BICD1: variants seen among roughly 807,000 people sequenced by gnomAD.
BICD1 encodes BICD cargo adaptor 1.
A neutral mutation model predicts 92.5 loss-of-function variants in BICD1; 35 were observed. That is an observed-to-expected ratio of 0.38 (90% CI 0.29 to 0.50). The LOEUF (loss-of-function observed/expected upper bound fraction) is 0.50, where lower values mean the gene tolerates loss of function less well. Among genes scored for constraint, BICD1 ranks in the 20% least tolerant of loss-of-function variants. The pLI is 0.93. For synonymous variants in BICD1, 429 were observed against 465.1 expected, an observed-to-expected ratio of 0.92 and a Z score of 1.00; for missense variants, 950 against 1,189.8, an observed-to-expected ratio of 0.80 and a Z score of 2.97.
At chr12:32,116,684 ATTTT>A (rs60228795) in intron 1 of BICD1, among the ~76,000 whole-genome samples, 1 of 147,016 alleles carries the variant, frequency 6.8e-6, no homozygotes, top group African/African-American at 2.5e-5. Flanking sequence ...TATGCTGGCT[ATTTT>A]TTTTTTTTTT....
At chr12:32,278,318 A>G (rs914526428) in intron 2 of BICD1, among the ~76,000 whole-genome samples, 1 of 152,236 alleles carries the variant, frequency 6.6e-6, no homozygotes, top group Non-Finnish European at 1.5e-5. Context: ...TTGTCATGCC[A>G]TCATTCATTA....
At chr12:32,215,810 C>T (rs893789742) in intron 1 of BICD1, among the ~76,000 whole-genome samples, 1 of 150,414 alleles carries the variant, frequency 6.6e-6, no homozygotes, top group Non-Finnish European at 1.5e-5. Flanking sequence ...AAAAATTAGC[C>T]GGGCGTGTTG....
intron 2 of BICD1, among the ~76,000 whole-genome samples, chr12:32,272,360 T>G (rs1297745642): frequency 2.0e-5 from 3 of 152,222 alleles, no homozygotes; most frequent in Non-Finnish European, 4.4e-5. Flanking sequence ...CCTTCCAAGC[T>G]GTATGTCTAC....
Position 32,328,839 on chromosome 12 carries a change from C to T in BICD1, c.2100+284C>T, listed in dbSNP as rs971118542. 2.0e-5 allele frequency among the ~76,000 whole-genome samples: 3 copies of T among 152,150 alleles called. No homozygotes were observed. The highest frequency in any genetic ancestry group is 1.9e-4 in the East Asian group (1 of 5,174). ...TGCAGATGTAGAAAGGCAGCTCAGG[C>T]GGTGCTGGGCTGAAGCCTGGCAGTG... is the stretch of plus-strand genomic sequence containing the variant. On this transcript the variant is annotated intron_variant, in intron 5 of 9. Coordinates refer to ENST00000652176, the MANE Select transcript of BICD1 (RefSeq NM_001714.4). The surrounding 1 kb of genome is among the most constrained non-coding windows in gnomAD (Gnocchi z 4.4).
At chr12:32,259,381 T>A (rs181032593) in intron 2 of BICD1, among the ~76,000 whole-genome samples, 9 of 152,336 alleles carry the variant, frequency 5.9e-5, no homozygotes, top group Admixed American at 2.6e-4. Flanking sequence ...AAAAATTACT[T>A]AATAAGATTG....
At chr12:32,225,957 G>A (rs1945676538) in intron 2 of BICD1, among the ~76,000 whole-genome samples, 1 of 152,018 alleles carries the variant, frequency 6.6e-6, no homozygotes, top group Non-Finnish European at 1.5e-5. Flanking sequence ...AACTCTAATA[G>A]GTGTGTAGTG....
chr12:32,138,650 TGTGTTAG>T (rs1942808489), intron 1 of BICD1, among the ~76,000 whole-genome samples: 2 of 152,200 alleles, frequency 1.3e-5, no homozygotes, highest in African/African-American at 4.8e-5. Flanking sequence ...AAATAGGCTT[TGTGTTAG>T]GTGATTTTTG....
chr12:32,295,466 G>A (rs1293061397), intron 3 of BICD1, among the ~76,000 whole-genome samples: 4 of 152,048 alleles, frequency 2.6e-5, no homozygotes, highest in Non-Finnish European at 5.9e-5. Flanking sequence ...AATCCATAGG[G>A]CATGATTCTT....
At chr12:32,123,514 G>A (rs755283138) in intron 1 of BICD1, among the ~76,000 whole-genome samples, 1 of 152,188 alleles carries the variant, frequency 6.6e-6, no homozygotes, top group Non-Finnish European at 1.5e-5. Context: ...ACCATAGCAG[G>A]TGTTTAATAG....
chr12:32,115,493 C>T (rs938809689), intron 1 of BICD1, among the ~76,000 whole-genome samples: 4 of 150,040 alleles, frequency 2.7e-5, no homozygotes, highest in Non-Finnish European at 5.9e-5. Context: ...CAGGTATTTA[C>T]GAGACAAAGC....
At chr12:32,200,926 T>C (rs1480710980) in intron 1 of BICD1, among the ~76,000 whole-genome samples, 1 of 152,214 alleles carries the variant, frequency 6.6e-6, no homozygotes, top group Non-Finnish European at 1.5e-5. Flanking sequence ...CCAAGAAACA[T>C]TTTTCTTTGC....
At position 32,275,046 on chromosome 12, in the gene BICD1, TC is replaced by T. The variant is rs376598803; in HGVS notation, c.427-18947del. Among the ~76,000 whole-genome samples the T allele has an allele frequency of 5.1e-3, 769 of 152,200 alleles. 4 individuals are homozygous for T. Among genetic ancestry groups the T allele is most frequent in the African/African-American group, 0.017 (718 of 41,514 alleles). On this transcript the variant is annotated intron_variant, in intron 2 of 9. Transcript: ENST00000652176. ...ATAAATTCATGCTTGTAATTGAAGATCGCCATATGAGATACACATTCTAGTG... is the reference window on the plus strand; with the variant it reads ...ATAAATTCATGCTTGTAATTGAAGATGCCATATGAGATACACATTCTAGTG...
intron 1 of BICD1, among the ~76,000 whole-genome samples, chr12:32,199,434 C>A (rs999854778): frequency 6.6e-6 from 1 of 152,082 alleles, no homozygotes; most frequent in Non-Finnish European, 1.5e-5. Flanking sequence ...CCAGACCAAA[C>A]TGAGGGTTGG....
At chr12:32,205,376 G>A (rs1224510811) in intron 1 of BICD1, among the ~76,000 whole-genome samples, 1 of 152,062 alleles carries the variant, frequency 6.6e-6, no homozygotes, top group South Asian at 2.1e-4. Context: ...TAATGGGTTC[G>A]TAAGGTTGAG....
chr12:32,268,246 G>A (rs144064362), intron 2 of BICD1, among the ~76,000 whole-genome samples: 1 of 152,296 alleles, frequency 6.6e-6, no homozygotes, highest in African/African-American at 2.4e-5. Flanking sequence ...GTCAACAGAA[G>A]TTGTTTTTCT....
At chr12:32,333,374 C>T (rs935570696) in intron 5 of BICD1, 2 of 747,318 alleles carry the variant, frequency 2.7e-6, no homozygotes, top group African/African-American at 3.8e-5. Flanking sequence ...TCAAAACTCA[C>T]AAGAAACTAC....
chr12:32,177,314 CAA>C (rs35641000), intron 1 of BICD1, among the ~76,000 whole-genome samples: 2 of 138,114 alleles, frequency 1.4e-5, no homozygotes, highest in East Asian at 2.1e-4. Flanking sequence ...GACTCAGTCT[CAA>C]AAAAAAAAAA....
Position 32,199,439 on chromosome 12 carries a change from G to A in BICD1, c.214-16808G>A, listed in dbSNP as rs138404435. Among the ~76,000 whole-genome samples the A allele has an allele frequency of 8.4e-4, 128 of 152,186 alleles. 1 individual carries two copies. Among genetic ancestry groups the A allele is most frequent in the African/African-American group, 3.0e-3 (125 of 41,514 alleles). ...CCTGGTGTTCCCAGACCAAACTGAG[G>A]GTTGGGCTGCTATTTCTCGTGGCCC... On this transcript the variant is annotated intron_variant, in intron 1 of 9. Transcript: ENST00000652176.
intron 2 of BICD1, among the ~76,000 whole-genome samples, chr12:32,236,539 A>T (rs1420695390): frequency 6.6e-6 from 1 of 152,164 alleles, no homozygotes; most frequent in Non-Finnish European, 1.5e-5. Flanking sequence ...TATTGAAATT[A>T]GGCCAACTAA....
Sources: allele counts gnomAD v4.1 joint callset (sites outside exome capture counted in the v4.1 genomes callset), GRCh38; gene constraint gnomAD v4.1.1; non-coding constraint Gnocchi (gnomAD v3.1); transcripts MANE v1.5; gene names NCBI Gene and HGNC (gene_info 2026-07-23, HGNC 2026-07-21).